The following SERGEF variants were observed in gnomAD, a reference collection of about 807,000 sequenced individuals.
The protein encoded by SERGEF is secretion-regulating guanine nucleotide exchange factor.
SERGEF carries 51 observed loss-of-function variants against 50.0 expected under a neutral mutation model. That is an observed-to-expected ratio of 1.02 (90% CI 0.81 to 1.29). SERGEF has a LOEUF of 1.29. SERGEF is among the 50% of genes most tolerant of loss of function. SERGEF has a pLI of 0.00. For synonymous variants in SERGEF, 205 were observed against 212.4 expected, an observed-to-expected ratio of 0.97 and a Z score of 0.30; for missense variants, 521 against 557.0, an observed-to-expected ratio of 0.94 and a Z score of 0.65.
chr11:17,808,762 A>G (rs563143403), intron 10 of SERGEF, among the ~76,000 whole-genome samples: 31 of 152,346 alleles, frequency 2.0e-4, no homozygotes, highest in Non-Finnish European at 1.3e-4. Context: ...GCAGGGGCCA[A>G]CTTCGTAGCT....
At position 17,815,052 on chromosome 11, in the gene SERGEF, T is replaced by C. The variant is rs773223370; in HGVS notation, c.1049-26639A>G. Among the ~76,000 whole-genome samples the C allele has an allele frequency of 1.4e-3, 206 of 152,134 alleles. 2 individuals carry two copies. The highest frequency in any genetic ancestry group is 5.8e-4 in the East Asian group (3 of 5,172). ...AAATTAAAAAATTAGCCAGGTGTGG[T>C]GGCATGAGCCTGTAGTTCTAGCTAC... On this transcript the variant is annotated intron_variant, in intron 10 of 10. Transcript: ENST00000265965.
At chr11:17,856,751 A>G (rs1401125281) in intron 10 of SERGEF, 2 of 152,256 alleles carry the variant, frequency 1.3e-5, no homozygotes, top group African/African-American at 2.4e-5. Context: ...ACATAGATCA[A>G]TAATGTCAAC....
chr11:17,836,144 G>C (rs2133858276), intron 10 of SERGEF, among the ~76,000 whole-genome samples: 1 of 152,318 alleles, frequency 6.6e-6, no homozygotes, highest in South Asian at 2.1e-4. Flanking sequence ...GGATTCTAGG[G>C]ATACAGAGCT....
chr11:17,926,343 T>C (rs1852247807), intron 9 of SERGEF, among the ~76,000 whole-genome samples: 1 of 151,986 alleles, frequency 6.6e-6, no homozygotes, highest in East Asian at 1.9e-4. Context: ...TCCAGAATCT[T>C]ACCCTCCACA....
intron 10 of SERGEF, among the ~76,000 whole-genome samples, chr11:17,848,171 AT>A (rs1850647892): frequency 6.6e-6 from 1 of 152,202 alleles, no homozygotes. Flanking sequence ...ATGTGCAGAG[AT>A]GGAAACAAAC....
chr11:17,871,562 C>T (rs542655408), intron 10 of SERGEF, among the ~76,000 whole-genome samples: 3 of 151,924 alleles, frequency 2.0e-5, no homozygotes, highest in East Asian at 1.9e-4. Context: ...ATAAGGGATG[C>T]CTGCAAATCA....
intron 10 of SERGEF, among the ~76,000 whole-genome samples, chr11:17,819,333 C>T (rs1449624219): frequency 6.6e-6 from 1 of 152,232 alleles, no homozygotes; most frequent in Non-Finnish European, 1.5e-5. Context: ...GGCTGCAGAA[C>T]CTCCAGTTTG....
intron 9 of SERGEF, among the ~76,000 whole-genome samples, chr11:17,946,518 C>G (rs1852665683): frequency 6.6e-6 from 1 of 152,160 alleles, no homozygotes; most frequent in Non-Finnish European, 1.5e-5. Context: ...GATAGATCAT[C>G]ATCATGGAGC....
rs75342550 is a variant in SERGEF at position 17,916,781 on chromosome 11, A to C, written c.1012-38537T>G. Among the ~76,000 whole-genome samples the C allele has an allele frequency of 3.9e-5, 6 of 152,376 alleles. 1 individual carries two copies. In the East Asian group the frequency reaches 1.2e-3, roughly 29 times the overall value. On this transcript the variant is annotated intron_variant, in intron 9 of 10. Coordinates refer to ENST00000265965, the MANE Select transcript of SERGEF (RefSeq NM_012139.4). ...ACATGTACAAGCTAAAAGGCAGAGA[A>C]TACAAATATCCTGGAGTGGAACAAT...
chr11:17,806,104 A>C (rs935719647), intron 10 of SERGEF, among the ~76,000 whole-genome samples: 3 of 152,182 alleles, frequency 2.0e-5, no homozygotes, highest in Non-Finnish European at 4.4e-5. Flanking sequence ...CCTGGCTCCC[A>C]CCCTATGGAG....
At chr11:17,864,858 T>C (rs193219115) in intron 10 of SERGEF, among the ~76,000 whole-genome samples, 1 of 152,246 alleles carries the variant, frequency 6.6e-6, no homozygotes, top group African/African-American at 2.4e-5. Flanking sequence ...GCTGTGCAAT[T>C]TTGGGTAATG....
intron 10 of SERGEF, among the ~76,000 whole-genome samples, chr11:17,874,638 G>T (rs1851209349): frequency 6.6e-6 from 1 of 152,194 alleles, no homozygotes; most frequent in African/African-American, 2.4e-5. Context: ...GGCTTCCATG[G>T]GGCTTGCTTC....
At chr11:17,916,566 C>G (rs1304538057) in intron 9 of SERGEF, among the ~76,000 whole-genome samples, 1 of 152,112 alleles carries the variant, frequency 6.6e-6, no homozygotes, top group Non-Finnish European at 1.5e-5. Flanking sequence ...AATTGGTTAG[C>G]ATAGGAAACA....
chr11:17,830,893 C>T (rs1850296478), intron 10 of SERGEF, among the ~76,000 whole-genome samples: 1 of 152,088 alleles, frequency 6.6e-6, no homozygotes, highest in Non-Finnish European at 1.5e-5. Context: ...TGTGAGTACT[C>T]AGACCATTTA....
intron 8 of SERGEF, among the ~76,000 whole-genome samples, chr11:17,968,196 T>C (rs1031739973): frequency 2.0e-5 from 3 of 152,278 alleles, no homozygotes; most frequent in African/African-American, 7.2e-5. Context: ...TGTTGAACAG[T>C]AGGAATTGTA....
chr11:17,886,565 G>A (rs1851433515), intron 9 of SERGEF, among the ~76,000 whole-genome samples: 1 of 151,934 alleles, frequency 6.6e-6, no homozygotes, highest in African/African-American at 2.4e-5. Flanking sequence ...GCAGTGAACC[G>A]AGATCATACC....
chr11:17,882,430 A>AAG (rs1555006827), intron 9 of SERGEF, among the ~76,000 whole-genome samples: 1 of 151,346 alleles, frequency 6.6e-6, no homozygotes, highest in East Asian at 1.9e-4. Context: ...AAAAAAAAAA[A>AAG]AAAAAAGAAA....
intron 9 of SERGEF, among the ~76,000 whole-genome samples, chr11:17,958,628 T>C (rs1852924925): frequency 6.6e-6 from 1 of 152,158 alleles, no homozygotes; most frequent in Non-Finnish European, 1.5e-5. Flanking sequence ...CTTGATCAGG[T>C]TCCAGCCCAT....
intron 10 of SERGEF, among the ~76,000 whole-genome samples, chr11:17,816,139 C>G (rs1011421720): frequency 6.6e-6 from 1 of 152,096 alleles, no homozygotes; most frequent in Non-Finnish European, 1.5e-5. Flanking sequence ...AACAAGCAGC[C>G]CTCATTCTGC....
Sources: gnomAD v4.1 joint callset for allele counts (sites outside exome capture counted in the v4.1 genomes callset) on GRCh38, gnomAD v4.1.1 for gene constraint, MANE v1.5 for transcripts, NCBI Gene and HGNC (gene_info 2026-07-23, HGNC 2026-07-21) for gene names.